Variants in PARP8 observed in about 807,000 individuals in gnomAD.
PARP8 encodes protein mono-ADP-ribosyltransferase PARP8.
In PARP8, 51 loss-of-function variants were observed where a neutral mutation model predicts 124.1. That is an observed-to-expected ratio of 0.41 (90% confidence interval 0.33 to 0.52). The LOEUF is 0.52. Among genes scored for constraint, PARP8 ranks in the 20% least tolerant of loss-of-function variants. The pLI is 0.21. For missense variants in PARP8, 860 were observed against 1,018.9 expected (o/e 0.84, Z 2.12); for synonymous variants, 391 against 361.5 (o/e 1.08, Z -0.93).
At chr5:50,794,825 C>G in intron 11 of PARP8, 28 bp from the exon 12 acceptor site, 2 of 1,581,904 alleles carry the variant, frequency 1.3e-6, no homozygotes, top group South Asian at 2.3e-5. Flanking sequence ...GTGATTTGCC[C>G]TGTAGTAATT....
At chr5:50,832,158 A>G (rs1380692573) in intron 22 of PARP8, among the ~76,000 whole-genome samples, 2 of 152,138 alleles carry the variant, frequency 1.3e-5, no homozygotes, top group African/African-American at 4.8e-5. Flanking sequence ...ACCTATCTCA[A>G]CTTCTGGTGT....
intron 2 of PARP8, among the ~76,000 whole-genome samples, chr5:50,713,108 C>T (rs981553137): frequency 3.3e-5 from 5 of 151,962 alleles, no homozygotes; most frequent in Non-Finnish European, 5.9e-5. Flanking sequence ...GCTTTATTTT[C>T]CCCATTTATA....
chr5:50,769,355 G>A (rs1309693341), intron 7 of PARP8, among the ~76,000 whole-genome samples: 1 of 151,264 alleles, frequency 6.6e-6, no homozygotes, highest in African/African-American at 2.4e-5. Flanking sequence ...AAAAAAAAAA[G>A]TTGTTTCCCT....
chr5:50,826,943 G>A (rs1746419958), intron 19 of PARP8, 140 bp downstream of exon 19: 2 of 1,249,058 alleles, frequency 1.6e-6, no homozygotes, highest in Admixed American at 7.3e-5. Flanking sequence ...TCTTTAGTTT[G>A]AAATAGCCAT....
chr5:50,734,847 C>T (rs1757322337), intron 2 of PARP8, among the ~76,000 whole-genome samples: 1 of 151,988 alleles, frequency 6.6e-6, no homozygotes, highest in Non-Finnish European at 1.5e-5. Context: ...ATTCATAGTG[C>T]CAAAATCAAG....
At position 50,788,581 on chromosome 5, in the gene PARP8, G is replaced by A. The variant is rs1190023240; in HGVS notation, c.729G>A (p.Gln243=). The A allele has an allele frequency of 2.5e-6, 4 of 1,612,090 alleles. No homozygotes were observed. The African/African-American group carries it at 5.3e-5, about 22-fold the overall frequency. The change falls in exon 10 of 26, where the codon CAG becomes CAA. Residue 243 remains glutamine (Q), a synonymous_variant. Coordinates refer to ENST00000281631, the MANE Select transcript of PARP8 (RefSeq NM_024615.4). ...AAGAGCGATTTGGATTGGGACATCA[G>A]CTGAAAAAGTAAGTTTGCTAAAGTG... is the stretch of plus-strand genomic sequence containing the variant. ...STKERFGLGH[Q]LKKIMQTFVT...
intron 2 of PARP8, among the ~76,000 whole-genome samples, chr5:50,717,260 G>A (rs1755410626): frequency 6.6e-6 from 1 of 151,826 alleles, no homozygotes; most frequent in Admixed American, 6.6e-5. Flanking sequence ...CTTGAGTTGG[G>A]GTTAAAAAAA....
In PARP8 at chr5:50,846,004, T is replaced by G. The variant is rs1265344933; in HGVS notation, c.*3936T>G. On this transcript the variant is annotated 3_prime_UTR_variant, in exon 26 of 26. Coordinates refer to ENST00000281631, the MANE Select transcript of PARP8 (RefSeq NM_024615.4). ...TGTAGGTCAGAAGAATTTCAAGTAG[T>G]TTTTAGACAAAACATATCCATGAGT... 1 of 151,816 alleles carries G rather than the reference T, an allele frequency of 6.6e-6. No individual in the cohort carries two copies. The highest frequency in any genetic ancestry group is 1.5e-5 in the Non-Finnish European group (1 of 67,826). 9.4% of individuals were successfully genotyped at this position (151,816 alleles called of 1,614,324 possible). A position where few individuals can be genotyped will look rare whatever the true frequency, so the allele number is the denominator to read the frequency against.
At chr5:50,698,472 T>A (rs978776361) in intron 2 of PARP8, among the ~76,000 whole-genome samples, 14 of 152,192 alleles carry the variant, frequency 9.2e-5, no homozygotes, top group African/African-American at 3.4e-4. Flanking sequence ...TATTATCTTC[T>A]TACTTCTTAT....
At chr5:50,667,591 G>C (rs1319543210) in intron 1 of PARP8, 1 of 699,702 alleles carries the variant, frequency 1.4e-6, no homozygotes, top group Non-Finnish European at 2.6e-6. Context: ...CTGCTGCGCT[G>C]CGCTGCGCTT....
chr5:50,756,260 A>C lies in PARP8; in HGVS notation c.185-3383A>C, dbSNP rs1029485339. Reference sequence around the variant, plus strand: ...AGAGAGGGCATCCCTGTCTTGTGCCAGTTTTCAAAGGGAATGCTTCCAGTT... The same window carrying C: ...AGAGAGGGCATCCCTGTCTTGTGCCCGTTTTCAAAGGGAATGCTTCCAGTT... On this transcript the variant is annotated intron_variant, in intron 3 of 25. Transcript: ENST00000281631. Among the ~76,000 whole-genome samples, 21 of 152,222 alleles carry C rather than the reference A, an allele frequency of 1.4e-4. 1 individual carries two copies. The highest frequency in any genetic ancestry group is 5.1e-4 in the African/African-American group (21 of 41,554).
At chr5:50,747,503 G>A (rs1758721547) in intron 2 of PARP8, among the ~76,000 whole-genome samples, 2 of 151,468 alleles carry the variant, frequency 1.3e-5, no homozygotes, top group African/African-American at 4.8e-5. Context: ...TTGTTGAGTT[G>A]TTCATTTTTC....
intron 21 of PARP8, among the ~76,000 whole-genome samples, chr5:50,829,670 T>C (rs1245609529): frequency 6.6e-6 from 1 of 152,218 alleles, no homozygotes; most frequent in Non-Finnish European, 1.5e-5. Flanking sequence ...TTGTCTTTAT[T>C]AATGGTAGGA....
chr5:50,834,976 T>C lies in PARP8; in HGVS notation c.2423T>C (p.Val808Ala), dbSNP rs967499122. 6.2e-7 allele frequency: 1 copy of C among 1,613,538 alleles called. No individual in the cohort carries two copies. Among genetic ancestry groups the C allele is most frequent in the Non-Finnish European group, 8.5e-7 (1 of 1,179,684 alleles). ...DLHKHGEIWV[V>A]PNTDHVCTRF... is the part of the protein sequence containing the mutation. ...CACAAACATGGAGAGATATGGGTTGTCCCCAATACTGACCATGTCTGCACA... is the reference window on the plus strand; with the variant it reads ...CACAAACATGGAGAGATATGGGTTGCCCCCAATACTGACCATGTCTGCACA... The change falls in exon 25 of 26, where the codon GTC becomes GCC. Residue 808 changes from valine (V) to alanine (A), a missense_variant. Physicochemically the swap from Val to Ala is moderately conservative, Grantham distance 64. Transcript: ENST00000281631.
chr5:50,748,086 T>G (rs1177570992), intron 2 of PARP8, among the ~76,000 whole-genome samples: 1 of 152,150 alleles, frequency 6.6e-6, no homozygotes, highest in Non-Finnish European at 1.5e-5. Context: ...GTTTTCTATT[T>G]GTTCCTTCTG....
In PARP8 at chr5:50,778,009, C is replaced by A. The variant is rs925475013; in HGVS notation, c.519-60C>A. On this transcript the variant is annotated intron_variant, in intron 7 of 25. Coordinates refer to ENST00000281631, the MANE Select transcript of PARP8 (RefSeq NM_024615.4). The stretch of plus-strand genomic sequence containing the variant: ...TAAAATTTTAAATAAAATAACCTAA[C>A]ACACACCATCTTTTAAGCATCATTA... 26 of 1,268,828 alleles carry A rather than the reference C, an allele frequency of 2.0e-5. No individual in the cohort carries two copies. The African/African-American group carries it at 3.7e-4, about 18-fold the overall frequency. The allele number at this position is 1,268,828 out of a possible 1,614,324, so 78.6% of individuals were successfully genotyped here.
At position 50,845,747 on chromosome 5, in the gene PARP8, A is replaced by T. The variant is rs1400563786; in HGVS notation, c.*3679A>T. On this transcript the variant is annotated 3_prime_UTR_variant, in exon 26 of 26. Coordinates refer to ENST00000281631, the MANE Select transcript of PARP8 (RefSeq NM_024615.4). The stretch of plus-strand genomic sequence containing the variant: ...TAGTCTATTTTGAGATTGATTTTCT[A>T]CGTGGGCCAATTTTATGTCCATTAC... 2 of 151,718 alleles carry T rather than the reference A, an allele frequency of 1.3e-5. No homozygotes were observed. Among genetic ancestry groups the T allele is most frequent in the South Asian group, 4.1e-4 (2 of 4,830 alleles). The allele number at this position is 151,718 out of a possible 1,614,324, so 9.4% of individuals were successfully genotyped here. A position where few individuals can be genotyped will look rare whatever the true frequency, so the allele number is the denominator to read the frequency against.
At chr5:50,771,665 T>A (rs1761643122) in intron 7 of PARP8, among the ~76,000 whole-genome samples, 1 of 136,608 alleles carries the variant, frequency 7.3e-6, no homozygotes, top group Non-Finnish European at 1.5e-5. Flanking sequence ...ATTACTTGAA[T>A]AGTCGATAGA....
At chr5:50,702,499 T>C (rs558797077) in intron 2 of PARP8, among the ~76,000 whole-genome samples, 3 of 152,326 alleles carry the variant, frequency 2.0e-5, no homozygotes, top group Admixed American at 6.5e-5. Context: ...TAGGGCGTTT[T>C]TATTTTCTAA....
Sources: gnomAD v4.1 joint callset for allele counts (sites outside exome capture counted in the v4.1 genomes callset) on GRCh38, gnomAD v4.1.1 for gene constraint, MANE v1.5 for transcripts, NCBI Gene and HGNC (gene_info 2026-07-23, HGNC 2026-07-21) for gene names.